The following CDKN2C variants were observed in gnomAD, a reference collection of about 807,000 sequenced individuals.
The protein encoded by CDKN2C is cyclin-dependent kinase 4 inhibitor C.
CDKN2C carries 5 observed loss-of-function variants against 11.0 expected under a neutral mutation model. That is an observed-to-expected ratio of 0.45 (90% CI 0.24 to 0.95). CDKN2C has a LOEUF of 0.95. CDKN2C is among the 40% of genes least tolerant of loss of function. The pLI is 0.21. For missense variants in CDKN2C, 161 were observed against 211.9 expected, an observed-to-expected ratio of 0.76 and a Z score of 1.49; for synonymous variants, 79 against 88.3, an observed-to-expected ratio of 0.89 and a Z score of 0.59.
rs2147958619 is a variant in CDKN2C, at chr1:50,974,178, A to T, written c.415A>T (p.Thr139Ser). Residue 139 changes from threonine (T) to serine (S), a missense_variant, in exon 2 of 2, where the codon ACC (threonine) becomes TCC (serine). Thr to Ser is a moderately conservative substitution (Grantham distance 58). Coordinates refer to ENST00000371761, the MANE Select transcript of CDKN2C (RefSeq NM_078626.3). ...NVGHRNHKGD[T>S]ACDLARLYGR... ...GGGGCATCGGAACCATAAGGGGGAC[A>T]CCGCCTGTGATTTGGCCAGGCTCTA... 1 of 1,613,348 alleles carries T rather than the reference A, an allele frequency of 6.2e-7. No individual in the cohort carries two copies. Among genetic ancestry groups the T allele is most frequent in the Non-Finnish European group, 8.5e-7 (1 of 1,179,372 alleles).
chr1:50,974,525 C>T lies in CDKN2C; in HGVS notation c.*255C>T. The T allele has an allele frequency of 2.7e-6, 1 of 370,502 alleles. No individual in the cohort carries two copies. The highest frequency in any genetic ancestry group is 4.0e-5 in the East Asian group (1 of 25,000). 23.0% of individuals were successfully genotyped at this position (370,502 alleles called of 1,614,324 possible). On this transcript the variant is annotated 3_prime_UTR_variant, in exon 2 of 2. Coordinates refer to ENST00000371761, the MANE Select transcript of CDKN2C (RefSeq NM_078626.3). ...TTCTGAATATTTTATCTTTCCTTGG[C>T]TTTTCCCTTGCTTCCCCTTTTGCCA...
rs1314945707 is a variant in CDKN2C at position 50,974,243 on chromosome 1, G to A, written c.480G>A (p.Gly160=). Reference sequence around the variant, plus strand: ...TTGTTAGCCTGATGCAGGCAAACGGGGCTGGGGGAGCCACAAATCTTCAAT... The same window carrying A: ...TTGTTAGCCTGATGCAGGCAAACGGAGCTGGGGGAGCCACAAATCTTCAAT... ...NEVVSLMQAN[G]AGGATNLQ The change falls in exon 2 of 2, where the codon GGG becomes GGA. Residue 160 remains glycine, a synonymous_variant. Transcript: ENST00000371761. 1 of 1,567,418 alleles carries A rather than the reference G, an allele frequency of 6.4e-7. No individual in the cohort carries two copies. Among genetic ancestry groups the A allele is most frequent in the South Asian group, 1.2e-5 (1 of 84,084 alleles).
At chr1:50,970,824 T>G (rs1454702975) in intron 1 of CDKN2C, among the ~76,000 whole-genome samples, 2 of 152,198 alleles carry the variant, frequency 1.3e-5, no homozygotes, top group African/African-American at 4.8e-5. Context: ...TAAAGACAGC[T>G]CTGTAAACAC....
At chr1:50,972,148 C>A (rs538910731) in intron 1 of CDKN2C, among the ~76,000 whole-genome samples, 2 of 152,084 alleles carry the variant, frequency 1.3e-5, no homozygotes, top group Non-Finnish European at 2.9e-5. Context: ...AGGCCTTAAT[C>A]GTATGTTTGC....
At chr1:50,964,713 AAT>A (rs1430260065) in intron 1 of CDKN2C, among the ~76,000 whole-genome samples, 1 of 152,180 alleles carries the variant, frequency 6.6e-6, no homozygotes, top group East Asian at 1.9e-4. Context: ...CCTCACCTGA[AAT>A]ACGGGGATTA....
chr1:50,969,774 G>T (rs1251631207), upstream of CDKN2C: 2 of 180,558 alleles, frequency 1.1e-5, no homozygotes, highest in East Asian at 9.5e-5. This position sits in a 1 kb window ranked among gnomAD's most constrained non-coding sequence, Gnocchi z 6.6. Flanking sequence ...CAGCCACCGC[G>T]GCGCTCTCCC....
At chr1:50,961,841 C>G (rs1645326042) in intron 1 of CDKN2C, among the ~76,000 whole-genome samples, 3 of 152,322 alleles carry the variant, frequency 2.0e-5, no homozygotes, top group African/African-American at 7.2e-5. Flanking sequence ...CCAGCAAGGC[C>G]TAGGCTCCAT....
At chr1:50,970,781 T>C (rs1645375350) in intron 1 of CDKN2C, among the ~76,000 whole-genome samples, 1 of 152,218 alleles carries the variant, frequency 6.6e-6, no homozygotes, top group African/African-American at 2.4e-5. Context: ...GTAGTCAGTG[T>C]AGGGCCGAGG....
At chr1:50,967,574 C>T (rs1645353133), upstream of CDKN2C, among the ~76,000 whole-genome samples, 1 of 152,162 alleles carries the variant, frequency 6.6e-6, no homozygotes, top group Non-Finnish European at 1.5e-5. Flanking sequence ...TGCCAAAGGC[C>T]GGTTCTAATT....
chr1:50,970,307 A>C lies in CDKN2C; in HGVS notation c.-62A>C. 1 of 1,605,156 alleles carries C rather than the reference A, an allele frequency of 6.2e-7. No individual in the cohort carries two copies. The highest frequency in any genetic ancestry group is 8.5e-7 in the Non-Finnish European group (1 of 1,176,500). ...CCATCATGCAGCCTGGTTAGGAGCA[A>C]AGGAAAGGGGAAAAAGAAAAACGAC... On this transcript the variant is annotated 5_prime_UTR_variant, in exon 1 of 2. Transcript: ENST00000371761.
At chr1:50,968,901 AAG>A (rs1645363603), upstream of CDKN2C, 1 of 152,092 alleles carries the variant, frequency 6.6e-6, no homozygotes, top group Non-Finnish European at 1.5e-5. Context: ...AAAAGCAAAA[AAG>A]GGGGCGACAC....
At chr1:50,966,118 C>G (rs868181839), upstream of CDKN2C, among the ~76,000 whole-genome samples, 29 of 150,668 alleles carry the variant, frequency 1.9e-4, no homozygotes, top group African/African-American at 6.6e-4. Context: ...ACTGCTGGGC[C>G]GCCACTGCCT....
upstream of CDKN2C, chr1:50,968,676 C>T (rs931900744): frequency 6.6e-6 from 1 of 152,196 alleles, no homozygotes; most frequent in Non-Finnish European, 1.5e-5. Flanking sequence ...CCGGCCTTCC[C>T]GCTCCCGCGG....
chr1:50,969,938 T>G (rs76136361), upstream of CDKN2C: 544 of 245,966 alleles, frequency 2.2e-3, 1 homozygote, highest in South Asian at 5.9e-3. The surrounding 1 kb of genome is among the most constrained non-coding windows in gnomAD (Gnocchi z 6.6). Context: ...ATGTCTTTCC[T>G]TCCGCGGTAT....
chr1:50,966,172 G>T (rs1447195847), upstream of CDKN2C, among the ~76,000 whole-genome samples: 1 of 151,062 alleles, frequency 6.6e-6, no homozygotes, highest in African/African-American at 2.4e-5. Flanking sequence ...CTGAGCAGCT[G>T]GGATTACAGG....
At chr1:50,965,085 G>GATAA (rs1190646446) in intron 1 of CDKN2C, among the ~76,000 whole-genome samples, 1 of 151,936 alleles carries the variant, frequency 6.6e-6, no homozygotes, top group Non-Finnish European at 1.5e-5. Flanking sequence ...TAGATAGATA[G>GATAA]ATAGATAGAT....
chr1:50,965,969 C>A (rs576937841), upstream of CDKN2C, among the ~76,000 whole-genome samples: 1 of 152,046 alleles, frequency 6.6e-6, no homozygotes, highest in African/African-American at 2.4e-5. Context: ...GAAACTGTAC[C>A]TACTTGAGTC....
At chr1:50,962,961 T>TGGG (rs1231422741) in intron 1 of CDKN2C, among the ~76,000 whole-genome samples, 2 of 152,248 alleles carry the variant, frequency 1.3e-5, no homozygotes, top group African/African-American at 4.8e-5. Context: ...TGGTTCTATT[T>TGGG]CTTTATCTCT....
intron 1 of CDKN2C, among the ~76,000 whole-genome samples, chr1:50,962,053 A>C (rs565045239): frequency 6.6e-6 from 1 of 152,382 alleles, no homozygotes; most frequent in Non-Finnish European, 1.5e-5. Context: ...CAGTCACATG[A>C]ATCAAAATGT....
Sources: gnomAD v4.1 joint callset for allele counts (sites outside exome capture counted in the v4.1 genomes callset) on GRCh38, gnomAD v4.1.1 for gene constraint, Gnocchi (gnomAD v3.1) non-coding constraint, MANE v1.5 for transcripts, NCBI Gene and HGNC (gene_info 2026-07-23, HGNC 2026-07-21) for gene names.